LRP2BP: variants seen among roughly 807,000 people sequenced by gnomAD.
LRP2BP encodes the protein LRP2-binding protein.
Under a neutral mutation model 45.2 loss-of-function variants are expected in LRP2BP, and 38 were observed. The observed-to-expected ratio is 0.84, with a 90% CI of 0.65 to 1.10. The LOEUF is 1.10. Ranked by LOEUF, LRP2BP falls within the 50% of genes least tolerant of loss-of-function variation. LRP2BP has a pLI of 0.00. For missense variants in LRP2BP, 385 were observed against 418.9 expected (o/e 0.92, Z 0.71); for synonymous variants, 153 against 153.9 (o/e 0.99, Z 0.04).
chr4:185,373,560 C>A (rs181618537), intron 6 of LRP2BP, among the ~76,000 whole-genome samples: 1 of 152,320 alleles, frequency 6.6e-6, no homozygotes, highest in Non-Finnish European at 1.5e-5. Flanking sequence ...TACTCTGCTA[C>A]AGTGAATTTG....
At chr4:185,390,694 C>T (rs950248366) in intron 1 of LRP2BP, 4 of 152,112 alleles carry the variant, frequency 2.6e-5, no homozygotes, top group East Asian at 1.9e-4. Context: ...AATGGGCAGT[C>T]GGCACGTCTT....
At position 185,365,944 on chromosome 4, in the gene LRP2BP, C is replaced by T. The variant is rs2095386781; in HGVS notation, c.*1236G>A. On this transcript the variant is annotated 3_prime_UTR_variant, in exon 9 of 9. Transcript: ENST00000505916. Reference sequence around the variant, plus strand: ...CCAGAACATAAAACGAGAGCAAATACTTTTCTGCCATTCAACAGTTCTTAG... The same window carrying T: ...CCAGAACATAAAACGAGAGCAAATATTTTTCTGCCATTCAACAGTTCTTAG... 1.3e-5 allele frequency: 2 copies of T among 152,150 alleles called. No individual in the cohort carries two copies. Among genetic ancestry groups the T allele is most frequent in the South Asian group, 4.1e-4 (2 of 4,830 alleles). 9.4% of individuals were successfully genotyped at this position (152,150 alleles called of 1,614,324 possible).
intron 1 of LRP2BP, among the ~76,000 whole-genome samples, chr4:185,381,980 C>A (rs1474586910): frequency 6.6e-6 from 1 of 152,140 alleles, no homozygotes; most frequent in African/African-American, 2.4e-5. Flanking sequence ...AATTCCAAAA[C>A]CTTTTCATCA....
chr4:185,389,604 T>C (rs1382513742), intron 1 of LRP2BP, among the ~76,000 whole-genome samples: 2 of 71,374 alleles, frequency 2.8e-5, no homozygotes, highest in African/African-American at 1.2e-4. Flanking sequence ...TTCCAGGCAC[T>C]TTAAATGACC....
upstream of LRP2BP, chr4:185,397,088 C>G: frequency 6.2e-7 from 1 of 1,608,962 alleles, no homozygotes; most frequent in Non-Finnish European, 8.5e-7. Context: ...AGGTTTCCAG[C>G]CCGGAGGGGC....
At chr4:185,369,161 A>G (rs1356803108) in intron 8 of LRP2BP, among the ~76,000 whole-genome samples, 3 of 151,528 alleles carry the variant, frequency 2.0e-5, no homozygotes, top group African/African-American at 4.9e-5. Context: ...AGAGTTTTCT[A>G]AGGATATTAA....
At chr4:185,376,856 G>C in intron 3 of LRP2BP, 53 bp downstream of exon 3, 2 of 1,308,896 alleles carry the variant, frequency 1.5e-6, no homozygotes, top group Non-Finnish European at 2.2e-6. Flanking sequence ...TTTTGTCTGA[G>C]GATCTAACAA....
In LRP2BP at chr4:185,377,004, T is replaced by C; in HGVS notation, c.121A>G (p.Asn41Asp). The C allele has an allele frequency of 6.2e-7, 1 of 1,610,868 alleles. No homozygotes were observed. The highest frequency in any genetic ancestry group is 8.5e-7 in the Non-Finnish European group (1 of 1,177,006). Residue 41 changes from asparagine to aspartate, a missense_variant, in exon 3 of 9, where the codon AAT becomes GAT. By Grantham distance (23) the Asn-to-Asp change is conservative. Coordinates refer to ENST00000505916, the MANE Select transcript of LRP2BP (RefSeq NM_001377440.1). ...AGCTGCAATGCCTTATCCACCAAAT[T>C]AGCATGGGTGTAATCTGATTTTAAA... Reference protein sequence around the residue: ...KKEKTDYTHANLVDKALQLLK... With the variant: ...KKEKTDYTHADLVDKALQLLK...
Position 185,395,414 on chromosome 4 carries a change from C to A in LRP2BP, c.-657G>T. The A allele has an allele frequency of 1.0e-6, 1 of 985,410 alleles. No homozygotes were observed. Among genetic ancestry groups the A allele is most frequent in the South Asian group, 4.7e-5 (1 of 21,286 alleles). The allele number at this position is 985,410 out of a possible 1,614,324, so 61.0% of individuals were successfully genotyped here. A position where few individuals can be genotyped will look rare whatever the true frequency, so the allele number is the denominator to read the frequency against. ...CTTCTGTGCAAACCTGAAGCTTCAA[C>A]ACGTGTTTTAAAAAGCAGTGCTTAT... On this transcript the variant is annotated 5_prime_UTR_variant, in exon 1 of 9. Coordinates refer to ENST00000505916, the MANE Select transcript of LRP2BP (RefSeq NM_001377440.1).
intron 4 of LRP2BP, 126 bp downstream of exon 4, chr4:185,375,487 A>AAAAAT (rs1554018308): frequency 1.7e-4 from 2 of 12,016 alleles, no homozygotes; most frequent in African/African-American, 5.8e-4. Context: ...AAAAAAAAAA[A>AAAAAT]ATATATATAT....
chr4:185,372,276 T>C lies in LRP2BP; in HGVS notation c.803+580A>G, dbSNP rs56231247. ...TATTCTCTTCTTACAGATAAGGCAA[T>C]TGCTGCTTAAAAAACTTGCTTCAGC... On this transcript the variant is annotated intron_variant, in intron 7 of 8. Coordinates refer to ENST00000505916, the MANE Select transcript of LRP2BP (RefSeq NM_001377440.1). 7.3e-3 allele frequency among the ~76,000 whole-genome samples: 1,113 copies of C among 152,322 alleles called. 10 individuals are homozygous for C. Among genetic ancestry groups the C allele is most frequent in the African/African-American group, 0.026 (1,061 of 41,572 alleles).
intron 8 of LRP2BP, among the ~76,000 whole-genome samples, chr4:185,368,122 G>A (rs2095397387): frequency 6.6e-6 from 1 of 152,190 alleles, no homozygotes; most frequent in Non-Finnish European, 1.5e-5. Flanking sequence ...AGCTTGCAGA[G>A]AGCCGAGATT....
intron 1 of LRP2BP, among the ~76,000 whole-genome samples, chr4:185,387,869 C>T (rs1261278958): frequency 6.6e-6 from 1 of 152,198 alleles, no homozygotes; most frequent in African/African-American, 2.4e-5. Context: ...AAAGCTCTCT[C>T]CCAACTTGGG....
At chr4:185,378,463 T>G in intron 1 of LRP2BP, 2 of 1,226,922 alleles carry the variant, frequency 1.6e-6, no homozygotes, top group African/African-American at 1.5e-5. Context: ...TTGCACGTCC[T>G]GTCTGGCTAT....
intron 7 of LRP2BP, among the ~76,000 whole-genome samples, chr4:185,371,773 T>G (rs536231998): frequency 6.8e-4 from 103 of 152,250 alleles, no homozygotes; most frequent in Non-Finnish European, 1.1e-3. Flanking sequence ...CAATCACTCC[T>G]GTAAGTGGTC....
At chr4:185,376,486 G>T (rs1170761516) in intron 3 of LRP2BP, among the ~76,000 whole-genome samples, 1 of 149,278 alleles carries the variant, frequency 6.7e-6, no homozygotes, top group Non-Finnish European at 1.5e-5. Flanking sequence ...TACAGATGGG[G>T]TGTAGCCATG....
chr4:185,372,511 T>C (rs2126791108), intron 7 of LRP2BP, among the ~76,000 whole-genome samples: 1 of 152,368 alleles, frequency 6.6e-6, no homozygotes, highest in South Asian at 2.1e-4. Flanking sequence ...TAGGCATTCT[T>C]ATCAATACTT....
intron 1 of LRP2BP, among the ~76,000 whole-genome samples, chr4:185,385,879 T>C (rs902075210): frequency 8.4e-5 from 11 of 130,796 alleles, no homozygotes; most frequent in African/African-American, 2.9e-4. Context: ...CCAGCCTGGG[T>C]GACAGAGCAA....
rs576871521 is a variant in LRP2BP, at chr4:185,365,718, C to A, written c.*1462G>T. 1.3e-5 allele frequency: 2 copies of A among 148,740 alleles called. No homozygotes were observed. Among genetic ancestry groups the A allele is most frequent in the East Asian group, 1.9e-4 (1 of 5,150 alleles). 9.2% of individuals were successfully genotyped at this position (148,740 alleles called of 1,614,324 possible). On this transcript the variant is annotated 3_prime_UTR_variant, in exon 9 of 9. Transcript: ENST00000505916. ...TAATAATAATAATAATAATAATAAT[C>A]TTTAGGAACTGGATTAAGTGTGGAG...
Sources: gnomAD v4.1 joint callset for allele counts (sites outside exome capture counted in the v4.1 genomes callset) on GRCh38, gnomAD v4.1.1 for gene constraint, MANE v1.5 for transcripts, NCBI Gene and HGNC (gene_info 2026-07-23, HGNC 2026-07-21) for gene names.